Variants in IL1RAPL1 observed in about 807,000 individuals in gnomAD.
IL1RAPL1 encodes interleukin 1 receptor accessory protein like 1, also known as interleukin-1 receptor accessory protein-like 1.
Under a neutral mutation model 48.4 loss-of-function variants are expected in IL1RAPL1, and 3 were observed. That is an observed-to-expected ratio of 0.06 (90% confidence interval 0.03 to 0.16). The LOEUF (loss-of-function observed/expected upper bound fraction) is 0.16, where lower values mean the gene tolerates loss of function less well. Among genes scored for constraint, IL1RAPL1 ranks in the 10% least tolerant of loss-of-function variants. IL1RAPL1 has a pLI of 1.00. For synonymous variants in IL1RAPL1, 185 were observed against 187.7 expected (o/e 0.99, Z 0.12); for missense variants, 349 against 530.6 (o/e 0.66, Z 3.36).
At chrX:29,095,725 A>G (rs73210045) in intron 2 of IL1RAPL1, among the ~76,000 whole-genome samples, 31,213 of 108,547 alleles carry the variant, frequency 0.29, 4,273 homozygotes, top group African/African-American at 0.52. Flanking sequence ...TTTATATACT[A>G]TGAGATGTCC....
chrX:29,002,599 T>G lies in IL1RAPL1; in HGVS notation c.82+213174T>G, dbSNP rs1251336607. ...TATTGAATACCATTAGCTTTTAAAA[T>G]GTATTTTTGTTTTTACTTAAGAGTT... On this transcript the variant is annotated intron_variant, in intron 2 of 10. Transcript: ENST00000378993. Among the ~76,000 whole-genome samples, 27 of 111,124 alleles carry G rather than the reference T, an allele frequency of 2.4e-4. 1 individual carries two copies. In the Admixed American group the frequency reaches 2.6e-3, roughly 11 times the overall value.
At chrX:29,121,051 A>T (rs762020149) in intron 2 of IL1RAPL1, among the ~76,000 whole-genome samples, 7 of 112,071 alleles carry the variant, frequency 6.2e-5, no homozygotes, top group Non-Finnish European at 1.1e-4. Flanking sequence ...TTTCATGATA[A>T]GAAGTCTCAG....
At chrX:28,804,983 G>A (rs1244797089) in intron 2 of IL1RAPL1, among the ~76,000 whole-genome samples, 1 of 111,109 alleles carries the variant, frequency 9.0e-6, no homozygotes, top group South Asian at 3.7e-4. Context: ...ATATCACAAG[G>A]ACTTTGTATG....
At chrX:28,676,067 C>G (rs909589146) in intron 1 of IL1RAPL1, among the ~76,000 whole-genome samples, 1 of 111,601 alleles carries the variant, frequency 9.0e-6, no homozygotes, top group Non-Finnish European at 1.9e-5. Context: ...TGACAATTCA[C>G]CTCTATGATT....
intron 2 of IL1RAPL1, among the ~76,000 whole-genome samples, chrX:28,874,557 A>C (rs1303550628): frequency 8.9e-6 from 1 of 112,122 alleles, no homozygotes; most frequent in Non-Finnish European, 1.9e-5. Context: ...ATTTCATGCC[A>C]AACTTAAGTG....
At chrX:29,587,400 G>T (rs1315908315) in intron 5 of IL1RAPL1, among the ~76,000 whole-genome samples, 1 of 110,082 alleles carries the variant, frequency 9.1e-6, no homozygotes, top group Non-Finnish European at 1.9e-5. Flanking sequence ...GGGCATTGGA[G>T]TATGTTGGTC....
chrX:29,834,208 A>G (rs1489871597), intron 6 of IL1RAPL1, among the ~76,000 whole-genome samples: 1 of 112,355 alleles, frequency 8.9e-6, no homozygotes, highest in African/African-American at 3.2e-5. Flanking sequence ...TGCCATAAAC[A>G]TCAAAAACAG....
chrX:28,844,290 G>C (rs1569184468), intron 2 of IL1RAPL1, among the ~76,000 whole-genome samples: 1 of 105,386 alleles, frequency 9.5e-6, no homozygotes, highest in Admixed American at 1.0e-4. Context: ...GGGGGTTTAC[G>C]TTCCCACCTT....
At chrX:28,609,774 G>A (rs925743446) in intron 1 of IL1RAPL1, among the ~76,000 whole-genome samples, 2 of 109,525 alleles carry the variant, frequency 1.8e-5, no homozygotes, top group Non-Finnish European at 3.8e-5. Flanking sequence ...CTTCCTTAAT[G>A]TCTCTGGTAG....
chrX:29,802,487 T>C (rs1929934182), intron 6 of IL1RAPL1, among the ~76,000 whole-genome samples: 1 of 108,741 alleles, frequency 9.2e-6, no homozygotes, highest in Admixed American at 1.0e-4. Context: ...GAAACAACGA[T>C]GTTACCAAAA....
intron 5 of IL1RAPL1, among the ~76,000 whole-genome samples, chrX:29,499,750 C>A (rs1935252505): frequency 9.0e-6 from 1 of 111,116 alleles, no homozygotes; most frequent in South Asian, 3.7e-4. Context: ...GTAAATAAAC[C>A]AGTAGAAATT....
chrX:29,084,435 A>G (rs1192400297), intron 2 of IL1RAPL1, among the ~76,000 whole-genome samples: 3 of 112,042 alleles, frequency 2.7e-5, no homozygotes, highest in South Asian at 7.5e-4. Context: ...TGGTCCCTAA[A>G]AAAAGAGAAA....
At chrX:28,788,632 A>ATTTT (rs140618332) in intron 1 of IL1RAPL1, among the ~76,000 whole-genome samples, 9 of 92,728 alleles carry the variant, frequency 9.7e-5, no homozygotes, top group South Asian at 5.5e-4. Context: ...ACGCCCAGCT[A>ATTTT]TTTTTTTTTT....
chrX:29,820,797 T>A (rs1178709382), intron 6 of IL1RAPL1, among the ~76,000 whole-genome samples: 3 of 112,266 alleles, frequency 2.7e-5, no homozygotes, highest in African/African-American at 9.7e-5. Flanking sequence ...TGGACCCAGA[T>A]ATGACTATAA....
chrX:28,999,276 G>A (rs1925792844), intron 2 of IL1RAPL1, among the ~76,000 whole-genome samples: 1 of 111,310 alleles, frequency 9.0e-6, no homozygotes, highest in Admixed American at 9.6e-5. Flanking sequence ...TATTAATCCA[G>A]AAACAAAGTC....
At chrX:28,588,206 ATGTGTGTGTG>A (rs768348078) in intron 1 of IL1RAPL1, among the ~76,000 whole-genome samples, 159 bp downstream of exon 1, 2,539 of 49,886 alleles carry the variant, frequency 0.051, 24 homozygotes, top group Non-Finnish European at 0.057. Flanking sequence ...GTGTGTTGAT[ATGTGTGTGTG>A]TGTGTGTGTG....
intron 2 of IL1RAPL1, among the ~76,000 whole-genome samples, chrX:29,095,962 A>T (rs886880790): frequency 9.0e-6 from 1 of 111,558 alleles, no homozygotes; most frequent in African/African-American, 3.3e-5. Flanking sequence ...AATGCCTCAC[A>T]TGCCTTGCTC....
chrX:29,029,163 G>A (rs927076707), intron 2 of IL1RAPL1, among the ~76,000 whole-genome samples: 6 of 111,042 alleles, frequency 5.4e-5, no homozygotes, highest in Admixed American at 1.9e-4. Context: ...AACAGCATGG[G>A]AGAAACCACC....
chrX:28,977,564 G>T (rs1232721297), intron 2 of IL1RAPL1, among the ~76,000 whole-genome samples: 1 of 112,538 alleles, frequency 8.9e-6, no homozygotes, highest in Non-Finnish European at 1.9e-5. Flanking sequence ...TGAGATTTAT[G>T]TGAGGACACA....
Sources: allele counts gnomAD v4.1 joint callset (sites outside exome capture counted in the v4.1 genomes callset), GRCh38; gene constraint gnomAD v4.1.1; transcripts MANE v1.5; gene names NCBI Gene and HGNC (gene_info 2026-07-23, HGNC 2026-07-21).